CEP128: variants seen among roughly 807,000 people sequenced by gnomAD.
CEP128 encodes centrosomal protein 128, also known as centrosomal protein 128kDa.
Under a neutral mutation model 156.7 loss-of-function variants are expected in CEP128, and 132 were observed. The observed-to-expected ratio is 0.84, with a 90% CI of 0.73 to 0.97. The LOEUF is 0.97. Among genes scored for constraint, CEP128 ranks in the 50% least tolerant of loss-of-function variants. CEP128 has a pLI of 0.00. For synonymous variants in CEP128, 469 were observed against 448.9 expected, an observed-to-expected ratio of 1.04 and a Z score of -0.57; for missense variants, 1,252 against 1,281.9, an observed-to-expected ratio of 0.98 and a Z score of 0.36.
At chr14:80,532,185 G>A (rs1047567540) in intron 21 of CEP128, among the ~76,000 whole-genome samples, 3 of 150,888 alleles carry the variant, frequency 2.0e-5, no homozygotes, top group Non-Finnish European at 4.4e-5. Context: ...TCTCAATTAT[G>A]AGTATATATA....
upstream of CEP128, among the ~76,000 whole-genome samples, chr14:80,943,095 A>G (rs1318390777): frequency 6.6e-6 from 1 of 152,268 alleles, no homozygotes; most frequent in Non-Finnish European, 1.5e-5. Flanking sequence ...ATATACATGC[A>G]GAAGCATAAT....
intron 9 of CEP128, among the ~76,000 whole-genome samples, chr14:80,843,837 T>A (rs1448094957): frequency 2.6e-5 from 4 of 151,974 alleles, no homozygotes; most frequent in Non-Finnish European, 5.9e-5. Context: ...TTAATTAAAA[T>A]TTTTTTAAGA....
intron 21 of CEP128, among the ~76,000 whole-genome samples, chr14:80,542,860 G>A (rs1228713069): frequency 6.6e-6 from 1 of 152,114 alleles, no homozygotes; most frequent in African/African-American, 2.4e-5. Flanking sequence ...GCTAAGGTAG[G>A]GTCTAGGTTG....
intron 14 of CEP128, among the ~76,000 whole-genome samples, chr14:80,787,666 T>C (rs1179844016): frequency 1.3e-5 from 2 of 152,120 alleles, no homozygotes; most frequent in African/African-American, 2.4e-5. Flanking sequence ...TGGGAGGGAC[T>C]GAGCGAGGGT....
chr14:80,746,944 C>T (rs750909520), intron 18 of CEP128, among the ~76,000 whole-genome samples: 1 of 152,006 alleles, frequency 6.6e-6, no homozygotes, highest in African/African-American at 2.4e-5. Flanking sequence ...ATTTCTCCAA[C>T]GAAGATATAT....
chr14:80,502,318 A>C (rs1887774568), intron 24 of CEP128, among the ~76,000 whole-genome samples: 1 of 152,186 alleles, frequency 6.6e-6, no homozygotes, highest in East Asian at 1.9e-4. Context: ...ATCTGGGCAC[A>C]CGGGCATCAA....
rs867386042 is a variant in CEP128 at position 80,887,400 on chromosome 14, C to T, written c.645+8318G>A. ...GAAGTGAAACACTCCTCAGCAAATG[C>T]AAAAGAATGGAAATCATAACAAACA... is the stretch of plus-strand genomic sequence containing the variant. On this transcript the variant is annotated intron_variant, in intron 8 of 24. Coordinates refer to ENST00000555265, the MANE Select transcript of CEP128 (RefSeq NM_152446.5). Among the ~76,000 whole-genome samples, 65 of 152,164 alleles carry T rather than the reference C, an allele frequency of 4.3e-4. 1 individual carries two copies. The Middle Eastern group carries it at 0.014, about 32-fold the overall frequency.
At chr14:80,769,311 G>T (rs1453003793) in intron 16 of CEP128, among the ~76,000 whole-genome samples, 1 of 150,494 alleles carries the variant, frequency 6.6e-6, no homozygotes, top group East Asian at 1.9e-4. Context: ...TAAGTTCTAG[G>T]GTACATGTGC....
chr14:80,544,837 C>A (rs1306700981), intron 21 of CEP128, among the ~76,000 whole-genome samples: 2 of 152,084 alleles, frequency 1.3e-5, no homozygotes, highest in Admixed American at 1.3e-4. Context: ...TATGAGATCA[C>A]CAAGATCTAT....
intron 19 of CEP128, among the ~76,000 whole-genome samples, chr14:80,605,619 T>C (rs1892745118): frequency 6.6e-6 from 1 of 152,016 alleles, no homozygotes; most frequent in Admixed American, 6.6e-5. Flanking sequence ...AAGAACAAAG[T>C]GGATTTTTTC....
At chr14:80,700,531 C>CA (rs1327574803) in intron 19 of CEP128, among the ~76,000 whole-genome samples, 2 of 150,494 alleles carry the variant, frequency 1.3e-5, no homozygotes, top group East Asian at 1.9e-4. Flanking sequence ...TGACCCCCCC[C>CA]AAAAAAGCCA....
chr14:80,517,675 G>C (rs939168233), intron 23 of CEP128, among the ~76,000 whole-genome samples: 1 of 152,198 alleles, frequency 6.6e-6, no homozygotes, highest in South Asian at 2.1e-4. Flanking sequence ...CCAAGATGGC[G>C]GCAAGCCTCT....
rs1887906407 is a variant in CEP128, at chr14:80,505,000, T to C, written c.3093A>G (p.Glu1031=). The change falls in exon 24 of 25, where the codon GAA becomes GAG. Residue 1031 remains glutamate (E), a synonymous_variant. Transcript: ENST00000555265. ...KSFKGDRTFL[E]GSHTRGLDHS... ...GATCTAACCCACGAGTGTGGGAACC[T>C]TCCAGAAAGGTTCTGTCACCCTAAG... The C allele has an allele frequency of 6.3e-7, 1 of 1,596,886 alleles. No homozygotes were observed. Among genetic ancestry groups the C allele is most frequent in the South Asian group, 1.1e-5 (1 of 87,584 alleles).
At chr14:80,880,910 T>TAA (rs1248604288) in intron 8 of CEP128, among the ~76,000 whole-genome samples, 2 of 142,292 alleles carry the variant, frequency 1.4e-5, no homozygotes, top group African/African-American at 2.6e-5. Context: ...ATAATAATAA[T>TAA]TTCAGTAAAG....
chr14:80,800,239 C>T (rs751428823), intron 13 of CEP128, among the ~76,000 whole-genome samples: 4 of 152,082 alleles, frequency 2.6e-5, no homozygotes, highest in African/African-American at 4.8e-5. Context: ...CAGGTTCCCC[C>T]GATACAATGT....
chr14:80,655,872 T>TCCC (rs1394071338), intron 19 of CEP128, among the ~76,000 whole-genome samples: 1 of 152,180 alleles, frequency 6.6e-6, no homozygotes, highest in Non-Finnish European at 1.5e-5. Context: ...CCAAAGGAAG[T>TCCC]AAAGGAAGTC....
chr14:80,947,402 C>T (rs941075332), intron 2 of CEP128, among the ~76,000 whole-genome samples: 2 of 152,078 alleles, frequency 1.3e-5, no homozygotes, highest in African/African-American at 2.4e-5. Flanking sequence ...GCATTTTCTT[C>T]CTGGATTTTG....
intron 19 of CEP128, among the ~76,000 whole-genome samples, chr14:80,615,848 CAAATAAATAAATAAATAAATAAAT>C (rs56839383): frequency 4.7e-5 from 7 of 149,152 alleles, no homozygotes; most frequent in South Asian, 2.2e-4. Context: ...AACTCCATCT[CAAATAAATAAATAAATAAATAAAT>C]AAATAAATAA....
At position 80,749,534 on chromosome 14, in the gene CEP128, G is replaced by A. The variant is rs149968432; in HGVS notation, c.2614-6267C>T. On this transcript the variant is annotated intron_variant, in intron 18 of 24. Coordinates refer to ENST00000555265, the MANE Select transcript of CEP128 (RefSeq NM_152446.5). ...TGAAATGAGCCAGAAAAAGGAAGACGAACTTCACATGTCTCACTCATTTCT... is the reference window on the plus strand; with the variant it reads ...TGAAATGAGCCAGAAAAAGGAAGACAAACTTCACATGTCTCACTCATTTCT... Among the ~76,000 whole-genome samples, 814 of 152,220 alleles carry A rather than the reference G, an allele frequency of 5.3e-3. 10 individuals are homozygous for A. Among genetic ancestry groups the A allele is most frequent in the African/African-American group, 0.019 (777 of 41,536 alleles).
Sources: gnomAD v4.1 joint callset for allele counts (sites outside exome capture counted in the v4.1 genomes callset) on GRCh38, gnomAD v4.1.1 for gene constraint, MANE v1.5 for transcripts, NCBI Gene and HGNC (gene_info 2026-07-23, HGNC 2026-07-21) for gene names.